The following ADAMTS17 variants were observed in gnomAD, a reference collection of about 807,000 sequenced individuals.
ADAMTS17 encodes the protein A disintegrin and metalloproteinase with thrombospondin motifs 17.
A neutral mutation model predicts 141.5 loss-of-function variants in ADAMTS17; 113 were observed. The ratio of observed to expected loss-of-function variants is 0.80; its 90% CI spans 0.69 to 0.93. ADAMTS17 has a LOEUF of 0.93. ADAMTS17 is among the 40% of genes least tolerant of loss of function. The probability of loss-of-function intolerance (pLI) is 0.00; values close to 1 mark genes in which losing one functional copy is unlikely to be tolerated. For synonymous variants in ADAMTS17, 768 were observed against 630.6 expected (o/e 1.22, Z -3.27); for missense variants, 1,659 against 1,517.9 (o/e 1.09, Z -1.54).
chr15:100,141,933 G>C (rs183760174), intron 10 of ADAMTS17, among the ~76,000 whole-genome samples: 4 of 152,370 alleles, frequency 2.6e-5, no homozygotes, highest in Admixed American at 1.3e-4. Flanking sequence ...AGCCCTGAGA[G>C]GGGCAAGGCC....
At chr15:100,109,432 G>A (rs1345816075) in intron 13 of ADAMTS17, among the ~76,000 whole-genome samples, 5 of 148,768 alleles carry the variant, frequency 3.4e-5, no homozygotes, top group Non-Finnish European at 7.4e-5. Context: ...TAATCTCTAC[G>A]TTGAATACAC....
rs949383789 is a variant in ADAMTS17, at chr15:99,993,604, C to T, written c.2797-404G>A. ...GCAAGGTGAGGCCCTAAAGCTGAGT[C>T]CCAGGCCCCAGATCTTTCCAGCTGG... On this transcript the variant is annotated intron_variant, in intron 19 of 21. Coordinates refer to ENST00000268070, the MANE Select transcript of ADAMTS17 (RefSeq NM_139057.4). This position sits in a 1 kb window ranked among gnomAD's most constrained non-coding sequence, Gnocchi z 4.3. 6.6e-6 allele frequency among the ~76,000 whole-genome samples: 1 copy of T among 152,194 alleles called. No individual in the cohort carries two copies. Among genetic ancestry groups the T allele is most frequent in the Admixed American group, 6.5e-5 (1 of 15,280 alleles).
At chr15:100,089,350 T>C (rs2035304583) in intron 15 of ADAMTS17, among the ~76,000 whole-genome samples, 1 of 139,918 alleles carries the variant, frequency 7.1e-6, no homozygotes. Context: ...CTGGAGAGGA[T>C]GTGGAGAAAT....
intron 8 of ADAMTS17, among the ~76,000 whole-genome samples, chr15:100,196,866 T>G (rs923838723): frequency 6.6e-6 from 1 of 152,154 alleles, no homozygotes; most frequent in African/African-American, 2.4e-5. Flanking sequence ...TCCCAACACT[T>G]GCGACTAATC....
At chr15:100,147,008 G>C (rs2141321791) in intron 10 of ADAMTS17, among the ~76,000 whole-genome samples, 1 of 152,240 alleles carries the variant, frequency 6.6e-6, no homozygotes, top group East Asian at 1.9e-4. Context: ...CCGGTCCTGT[G>C]GTCCTGTGAT....
At chr15:100,149,400 T>C (rs1473164276) in intron 10 of ADAMTS17, among the ~76,000 whole-genome samples, 1 of 152,204 alleles carries the variant, frequency 6.6e-6, no homozygotes, top group Non-Finnish European at 1.5e-5. Flanking sequence ...AAGTTTAACT[T>C]CCTCGCAGTT....
At chr15:100,228,814 A>G (rs1002899720) in intron 7 of ADAMTS17, among the ~76,000 whole-genome samples, 3 of 152,166 alleles carry the variant, frequency 2.0e-5, no homozygotes, top group African/African-American at 7.2e-5. Flanking sequence ...TGGCCTGCTC[A>G]CTAGCCCCCC....
intron 3 of ADAMTS17, among the ~76,000 whole-genome samples, chr15:100,296,202 C>T (rs960133375): frequency 6.6e-6 from 1 of 152,094 alleles, no homozygotes; most frequent in African/African-American, 2.4e-5. Flanking sequence ...AACACACGCA[C>T]TTGCAAACAA....
At chr15:100,259,349 G>A (rs11857114) in intron 6 of ADAMTS17, among the ~76,000 whole-genome samples, 13,971 of 152,156 alleles carry the variant, frequency 0.092, 1,738 homozygotes, top group African/African-American at 0.28. Context: ...TGAATGCTGC[G>A]GCACCCAGGG....
chr15:100,193,030 C>T, intron 8 of ADAMTS17, among the ~76,000 whole-genome samples: 1 of 152,246 alleles, frequency 6.6e-6, no homozygotes, highest in East Asian at 1.9e-4. Flanking sequence ...CTCACCTTGG[C>T]ACAGCATCAC....
chr15:100,063,916 C>T (rs2033319943), intron 15 of ADAMTS17, among the ~76,000 whole-genome samples: 1 of 152,156 alleles, frequency 6.6e-6, no homozygotes, highest in African/African-American at 2.4e-5. Flanking sequence ...AGGCCAGGAC[C>T]TCCCAGTGGC....
chr15:100,130,561 A>T (rs1438111477), intron 12 of ADAMTS17, among the ~76,000 whole-genome samples: 1 of 152,244 alleles, frequency 6.6e-6, no homozygotes, highest in Non-Finnish European at 1.5e-5. Flanking sequence ...AGGTTCCAAC[A>T]TTGACTGCTG....
chr15:100,323,048 C>T (rs1002385628), intron 3 of ADAMTS17, among the ~76,000 whole-genome samples: 11 of 130,382 alleles, frequency 8.4e-5, no homozygotes, highest in African/African-American at 3.3e-4. Flanking sequence ...GATTGTGCCA[C>T]TGAACTCCAG....
intron 8 of ADAMTS17, among the ~76,000 whole-genome samples, chr15:100,176,405 C>T (rs2040340755): frequency 6.6e-6 from 1 of 152,194 alleles, no homozygotes; most frequent in Non-Finnish European, 1.5e-5. Flanking sequence ...ATCCCACCTG[C>T]AGAAATCATG....
chr15:100,309,615 C>A (rs1450988826), intron 3 of ADAMTS17, among the ~76,000 whole-genome samples: 1 of 152,226 alleles, frequency 6.6e-6, no homozygotes. Context: ...ACGTGCCAGG[C>A]ATGTGGACAA....
chr15:100,195,448 C>G (rs35057077), intron 8 of ADAMTS17, among the ~76,000 whole-genome samples: 5,890 of 152,228 alleles, frequency 0.039, 379 homozygotes, highest in African/African-American at 0.13. Context: ...CTTTTAAAAT[C>G]TCAGATTCAT....
intron 15 of ADAMTS17, among the ~76,000 whole-genome samples, chr15:100,064,069 G>A (rs778227794): frequency 6.6e-6 from 1 of 152,148 alleles, no homozygotes; most frequent in Non-Finnish European, 1.5e-5. Flanking sequence ...TTAAGATGAG[G>A]TCATCCTGGA....
intron 14 of ADAMTS17, among the ~76,000 whole-genome samples, chr15:100,104,340 T>A (rs1212005764): frequency 6.6e-6 from 1 of 151,724 alleles, no homozygotes; most frequent in East Asian, 1.9e-4. Flanking sequence ...TCCCTCCCAA[T>A]TTTATGAGTG....
chr15:100,183,105 C>T (rs1459337728), intron 8 of ADAMTS17, among the ~76,000 whole-genome samples: 2 of 152,150 alleles, frequency 1.3e-5, no homozygotes, highest in Non-Finnish European at 2.9e-5. Flanking sequence ...TCTCCAGCCT[C>T]AGCCTCCTGA....
Sources: gnomAD v4.1 joint callset for allele counts (sites outside exome capture counted in the v4.1 genomes callset) on GRCh38, gnomAD v4.1.1 for gene constraint, Gnocchi (gnomAD v3.1) non-coding constraint, MANE v1.5 for transcripts, NCBI Gene and HGNC (gene_info 2026-07-23, HGNC 2026-07-21) for gene names.